TOGARAM2: variants seen among roughly 807,000 people sequenced by gnomAD.
The protein encoded by TOGARAM2 is TOG array regulator of axonemal microtubules protein 2.
A neutral mutation model predicts 93.3 loss-of-function variants in TOGARAM2; 85 were observed. That is an observed-to-expected ratio of 0.91 (90% confidence interval 0.76 to 1.09). The LOEUF is 1.09. Among genes scored for constraint, TOGARAM2 ranks in the 50% least tolerant of loss-of-function variants. The probability of loss-of-function intolerance (pLI) is 0.00; values close to 1 mark genes in which losing one functional copy is unlikely to be tolerated. For synonymous variants in TOGARAM2, 593 were observed against 552.8 expected (o/e 1.07, Z -1.02); for missense variants, 1,277 against 1,334.5 (o/e 0.96, Z 0.67).
At position 29,014,515 on chromosome 2, in the gene TOGARAM2, C is replaced by T. The variant is rs1664436402; in HGVS notation, c.998C>T (p.Ala333Val). ...TTCTCCTTTGACTGTGCCAGAGAAG[C>T]CTGCCCTCCGCTGAAAGAAGAGGAC... ...TAFSFDCARE[A>V]CPPLKEEDQK... The change falls in exon 8 of 20, where the codon GCC becomes GTC. Residue 333 changes from alanine to valine, a missense_variant. Ala to Val is a moderately conservative substitution (Grantham distance 64, BLOSUM62 0). Coordinates refer to ENST00000379558, the MANE Select transcript of TOGARAM2 (RefSeq NM_199280.4). 1.3e-6 allele frequency: 2 copies of T among 1,576,770 alleles called. No individual in the cohort carries two copies. Among genetic ancestry groups the T allele is most frequent in the South Asian group, 1.2e-5 (1 of 85,808 alleles).
At chr2:29,027,716 G>A (rs957037560) in intron 14 of TOGARAM2, among the ~76,000 whole-genome samples, 1 of 152,136 alleles carries the variant, frequency 6.6e-6, no homozygotes, top group African/African-American at 2.4e-5. Context: ...TGGAGTTGGT[G>A]GGGGGGCTGC....
intron 6 of TOGARAM2, among the ~76,000 whole-genome samples, chr2:29,006,396 G>T: frequency 6.8e-6 from 1 of 147,602 alleles, no homozygotes; most frequent in Admixed American, 6.9e-5. Flanking sequence ...GTGCGTGTGT[G>T]TGAGTGCATG....
intron 6 of TOGARAM2, among the ~76,000 whole-genome samples, chr2:29,007,444 A>C (rs764168314): frequency 6.6e-6 from 1 of 151,990 alleles, no homozygotes; most frequent in Non-Finnish European, 1.5e-5. Flanking sequence ...CTCCTGCTCC[A>C]ACACATTTCC....
At chr2:29,044,431 C>T (rs1439560232) in intron 18 of TOGARAM2, among the ~76,000 whole-genome samples, 1 of 152,130 alleles carries the variant, frequency 6.6e-6, no homozygotes, top group Non-Finnish European at 1.5e-5. Context: ...AAACTCCCTC[C>T]TCTGACCCTG....
intron 1 of TOGARAM2, among the ~76,000 whole-genome samples, chr2:28,965,753 C>T (rs1039651326): frequency 6.6e-6 from 1 of 152,172 alleles, no homozygotes; most frequent in African/African-American, 2.4e-5. Context: ...TGCCGTATGA[C>T]TTCCACTGCC....
intron 14 of TOGARAM2, among the ~76,000 whole-genome samples, chr2:29,029,556 A>G (rs1665624539): frequency 1.3e-5 from 2 of 151,948 alleles, no homozygotes. Context: ...GGAGATCGAG[A>G]CCATCCTGGC....
chr2:29,000,375 G>A (rs1673223516), intron 4 of TOGARAM2, among the ~76,000 whole-genome samples: 2 of 151,992 alleles, frequency 1.3e-5, no homozygotes, highest in African/African-American at 2.4e-5. Flanking sequence ...TGGGCAGGTC[G>A]GTAACATTTC....
intron 19 of TOGARAM2, chr2:29,045,745 G>A (rs1393836737): frequency 3.2e-6 from 1 of 309,642 alleles, no homozygotes. Flanking sequence ...TGTACATTGG[G>A]GCATTTCCGA....
intron 2 of TOGARAM2, among the ~76,000 whole-genome samples, chr2:28,997,232 G>A (rs536871555): frequency 3.9e-5 from 6 of 152,182 alleles, no homozygotes; most frequent in African/African-American, 1.4e-4. Flanking sequence ...GAATATATAA[G>A]GAACTCAAAC....
rs184562795 is a variant in TOGARAM2 at position 29,021,219 on chromosome 2, T to G, written c.1361-939T>G. On this transcript the variant is annotated intron_variant, in intron 10 of 19. Coordinates refer to ENST00000379558, the MANE Select transcript of TOGARAM2 (RefSeq NM_199280.4). Reference sequence around the variant, plus strand: ...GTGAGCCACTGTGCCCGGCTGTGCGTCCACTTTCAGTAAAGGGCTTCCTCT... The same window carrying G: ...GTGAGCCACTGTGCCCGGCTGTGCGGCCACTTTCAGTAAAGGGCTTCCTCT... 6.4e-3 allele frequency among the ~76,000 whole-genome samples: 973 copies of G among 152,288 alleles called. 9 individuals carry two copies. The highest frequency in any genetic ancestry group is 0.022 in the African/African-American group (907 of 41,568).
At chr2:28,999,929 G>T (rs1303747525) in intron 4 of TOGARAM2, among the ~76,000 whole-genome samples, 2 of 152,076 alleles carry the variant, frequency 1.3e-5, no homozygotes, top group African/African-American at 4.8e-5. Context: ...CCTGCCTGAG[G>T]TTTAGAGCCA....
At chr2:29,034,127 C>G (rs1366312480) in intron 16 of TOGARAM2, among the ~76,000 whole-genome samples, 1 of 152,158 alleles carries the variant, frequency 6.6e-6, no homozygotes, top group African/African-American at 2.4e-5. Flanking sequence ...AAGCCCCATG[C>G]CCACTTCTTC....
chr2:29,045,756 T>C, intron 19 of TOGARAM2: 1 of 297,926 alleles, frequency 3.4e-6, no homozygotes, highest in Non-Finnish European at 6.4e-6. Flanking sequence ...GCATTTCCGA[T>C]TTCAGATTTT....
At chr2:29,041,714 T>C (rs1291296108) in intron 18 of TOGARAM2, among the ~76,000 whole-genome samples, 1 of 152,138 alleles carries the variant, frequency 6.6e-6, no homozygotes, top group Non-Finnish European at 1.5e-5. Flanking sequence ...GTGGCTGTTT[T>C]CTCTCCAATT....
chr2:28,992,720 T>C (rs902970741), intron 1 of TOGARAM2, among the ~76,000 whole-genome samples: 1 of 152,146 alleles, frequency 6.6e-6, no homozygotes, highest in African/African-American at 2.4e-5. Flanking sequence ...ATAAAGTGAA[T>C]CTGAACTACA....
chr2:29,029,223 G>C (rs960241040), intron 14 of TOGARAM2, among the ~76,000 whole-genome samples: 1 of 151,740 alleles, frequency 6.6e-6, no homozygotes, highest in African/African-American at 2.4e-5. Context: ...CAATCAACGA[G>C]TGGCTAAAGA....
intron 14 of TOGARAM2, 30 bp from the exon 15 acceptor site, chr2:29,032,904 T>G: frequency 6.3e-7 from 1 of 1,587,000 alleles, no homozygotes; most frequent in Admixed American, 1.7e-5. Context: ...CAGAGGCTGT[T>G]TCTTTATCTT....
intron 1 of TOGARAM2, among the ~76,000 whole-genome samples, chr2:28,966,084 C>G (rs183577204): frequency 2.6e-5 from 4 of 151,238 alleles, no homozygotes; most frequent in African/African-American, 9.7e-5. Context: ...TGCAGTGGCA[C>G]GATTTTTGGC....
chr2:29,023,160 T>A lies in TOGARAM2; in HGVS notation c.1586T>A (p.Leu529Gln), dbSNP rs1340404965. The A allele has an allele frequency of 6.3e-7, 1 of 1,598,668 alleles. No homozygotes were observed. Among genetic ancestry groups the A allele is most frequent in the Non-Finnish European group, 8.5e-7 (1 of 1,172,730 alleles). Residue 529 changes from leucine to glutamine, a missense_variant, in exon 12 of 20, where the codon CTG becomes CAG. Transcript: ENST00000379558. ...CACTCAGAGGTCCTCACCGGGAAGC[T>A]GCACGACGTGTGCTTGGTGGTGACT... is the stretch of plus-strand genomic sequence containing the variant. The part of the protein sequence containing the change: ...ACHSEVLTGK[L>Q]HDVCLVVTGE...
Sources: allele counts gnomAD v4.1 joint callset (sites outside exome capture counted in the v4.1 genomes callset), GRCh38; gene constraint gnomAD v4.1.1; transcripts MANE v1.5; gene names NCBI Gene and HGNC (gene_info 2026-07-23, HGNC 2026-07-21).